Variants in BCR observed in about 807,000 individuals in gnomAD.
BCR encodes breakpoint cluster region protein.
Under a neutral mutation model 138.6 loss-of-function variants are expected in BCR, and 58 were observed. That is an observed-to-expected ratio of 0.42 (90% CI 0.34 to 0.52). The LOEUF is 0.52. Ranked by LOEUF, BCR falls within the 20% of genes least tolerant of loss-of-function variation. The probability of loss-of-function intolerance (pLI) is 0.06; values close to 1 mark genes in which losing one functional copy is unlikely to be tolerated. For missense variants in BCR, 1,599 were observed against 1,727.2 expected (o/e 0.93, Z 1.32); for synonymous variants, 786 against 730.1 (o/e 1.08, Z -1.23).
chr22:23,236,381 AT>A (rs1353975335), intron 1 of BCR, among the ~76,000 whole-genome samples: 3 of 152,166 alleles, frequency 2.0e-5, no homozygotes, highest in Admixed American at 6.5e-5. Context: ...TTGCTGACTT[AT>A]GAGACCTCTT....
At chr22:23,211,853 G>A (rs763411797) in intron 1 of BCR, among the ~76,000 whole-genome samples, 55 of 152,238 alleles carry the variant, frequency 3.6e-4, no homozygotes, top group Non-Finnish European at 4.9e-4. Context: ...AGGGGCTGGT[G>A]GAGCTGTTCT....
intron 1 of BCR, among the ~76,000 whole-genome samples, chr22:23,242,517 T>G (rs1264838259): frequency 6.6e-6 from 1 of 152,202 alleles, no homozygotes; most frequent in Non-Finnish European, 1.5e-5. Context: ...CTTCACTCTT[T>G]CCCAGCCTTT....
rs1426035583 is a variant in BCR at position 23,313,580 on chromosome 22, C to G, written c.3458-388C>G. ...TCTGCGTACTTGGTGGGGCTGGGAC[C>G]CTCCCACTTCCCACCTCCTTGTGTT... is the stretch of plus-strand genomic sequence containing the variant. On this transcript the variant is annotated intron_variant, in intron 20 of 22. Transcript: ENST00000305877. Among the ~76,000 whole-genome samples the G allele has an allele frequency of 4.6e-5, 7 of 152,276 alleles. No individual in the cohort carries two copies. The East Asian group carries it at 1.4e-3, about 29-fold the overall frequency.
At position 23,256,775 on chromosome 22, in the gene BCR, C is replaced by T. The variant is rs528258174; in HGVS notation, c.1461+2795C>T. Reference sequence around the variant, plus strand: ...AGTTCCAGCTCCCGCCCTCAGTTCACCCGTGGGCCTGGTAGCCAGCTGACA... The same window carrying T: ...AGTTCCAGCTCCCGCCCTCAGTTCATCCGTGGGCCTGGTAGCCAGCTGACA... On this transcript the variant is annotated intron_variant, in intron 2 of 22. Transcript: ENST00000305877. 4.6e-3 allele frequency among the ~76,000 whole-genome samples: 708 copies of T among 152,292 alleles called. 8 individuals carry two copies. Among genetic ancestry groups the T allele is most frequent in the Admixed American group, 7.5e-3 (115 of 15,304 alleles).
At chr22:23,253,752 T>A in intron 1 of BCR, 47 bp from the exon 2 acceptor site, 8 of 1,568,284 alleles carry the variant, frequency 5.1e-6, no homozygotes, top group Non-Finnish European at 7.0e-6. Context: ...TGAGTATGGA[T>A]GCTCCCTTCT....
In BCR at chr22:23,268,498, T is replaced by G; in HGVS notation, c.1843T>G (p.Phe615Val). 1 of 1,613,784 alleles carries G rather than the reference T, an allele frequency of 6.2e-7. No individual in the cohort carries two copies. The highest frequency in any genetic ancestry group is 1.1e-5 in the South Asian group (1 of 90,978). The change falls in exon 5 of 23, where the codon TTT becomes GTT. Residue 615 changes from phenylalanine (F) to valine (V), a missense_variant. Coordinates refer to ENST00000305877, the MANE Select transcript of BCR (RefSeq NM_004327.4). ...AEKCCQANAQ[F>V]AEISENLRAR... ...GAAGTGCTGTCAGGCCAATGCTCAG[T>G]TTGCAGAAATCTCCGAGGTAATGCC...
At chr22:23,291,356 CTG>C (rs565929222) in intron 14 of BCR, among the ~76,000 whole-genome samples, 214 of 152,026 alleles carry the variant, frequency 1.4e-3, no homozygotes, top group African/African-American at 5.0e-3. Context: ...CGTGAAAAGA[CTG>C]TGGTGCTGTT....
chr22:23,276,128 G>A (rs369993721), intron 8 of BCR, among the ~76,000 whole-genome samples: 30 of 152,214 alleles, frequency 2.0e-4, no homozygotes, highest in South Asian at 8.3e-4. Flanking sequence ...GGCTGGGCGC[G>A]GTGGCTCACA....
intron 1 of BCR, among the ~76,000 whole-genome samples, chr22:23,211,221 G>A (rs1490141325): frequency 2.0e-5 from 3 of 152,064 alleles, no homozygotes; most frequent in Admixed American, 6.5e-5. Flanking sequence ...TTGTTGAGAC[G>A]GAGTCTTGCT....
At chr22:23,190,603 C>T (rs965898194) in intron 1 of BCR, among the ~76,000 whole-genome samples, 6 of 152,158 alleles carry the variant, frequency 3.9e-5, no homozygotes, top group Non-Finnish European at 5.9e-5. Context: ...GGAGTTAGAA[C>T]GTCAACATAT....
Position 23,221,643 on chromosome 22 carries a change from G to T in BCR, c.1280-32156G>T, listed in dbSNP as rs2072825851. ...CTGCTGGCTCTGATTAGGTCTGGTA[G>T]GGGGCAGGGTCCTTATTTCTCAGGA... On this transcript the variant is annotated intron_variant, in intron 1 of 22. Coordinates refer to ENST00000305877, the MANE Select transcript of BCR (RefSeq NM_004327.4). Among the ~76,000 whole-genome samples the T allele has an allele frequency of 2.0e-5, 3 of 152,236 alleles. No homozygotes were observed. In the South Asian group the frequency reaches 6.2e-4, roughly 31 times the overall value.
At chr22:23,268,960 C>T (rs1237940607) in intron 5 of BCR, among the ~76,000 whole-genome samples, 3 of 152,214 alleles carry the variant, frequency 2.0e-5, no homozygotes, top group Non-Finnish European at 2.9e-5. Flanking sequence ...CGCCGTGGGG[C>T]GAGGGCTCAT....
chr22:23,305,004 C>G (rs1368616504), intron 16 of BCR, among the ~76,000 whole-genome samples: 3 of 151,998 alleles, frequency 2.0e-5, no homozygotes, highest in Admixed American at 2.0e-4. Context: ...AATCCCAGCT[C>G]CTCAGGGGCT....
rs961204704 is a variant in BCR at position 23,271,571 on chromosome 22, A to G, written c.1900A>G (p.Thr634Ala). ...ARSNKDAKDP[T>A]TKNSLETLLY... Reference sequence around the variant, plus strand: ...AAGCAACAAAGATGCCAAGGATCCAACGACCAAGAACTCTCTGGAAAGTGA... The same window carrying G: ...AAGCAACAAAGATGCCAAGGATCCAGCGACCAAGAACTCTCTGGAAAGTGA... Residue 634 changes from threonine to alanine, a missense_variant, in exon 6 of 23, where the codon ACG becomes GCG. Physicochemically the swap from Thr to Ala is moderately conservative, Grantham distance 58. This residue lies in a region of BCR where 590 missense variants were observed against 762.4 expected (regional missense o/e 0.77). Transcript: ENST00000305877. 2.5e-6 allele frequency: 4 copies of G among 1,614,096 alleles called. No individual in the cohort carries two copies. Among genetic ancestry groups the G allele is most frequent in the African/African-American group, 1.3e-5 (1 of 75,056 alleles).
At chr22:23,282,946 C>G (rs1220219184) in intron 8 of BCR, among the ~76,000 whole-genome samples, 1 of 152,198 alleles carries the variant, frequency 6.6e-6, no homozygotes, top group African/African-American at 2.4e-5. Context: ...CTGCCTGGGA[C>G]AGAGGGTGGA....
At chr22:23,298,981 G>A (rs2146315994) in intron 16 of BCR, among the ~76,000 whole-genome samples, 1 of 152,146 alleles carries the variant, frequency 6.6e-6, no homozygotes. Flanking sequence ...ACCCCCTGGG[G>A]CCTGCCCCTC....
rs1197800901 is a variant in BCR at position 23,206,056 on chromosome 22, C to G, written c.1279+23817C>G. 2.6e-5 allele frequency among the ~76,000 whole-genome samples: 4 copies of G among 152,292 alleles called. No individual in the cohort carries two copies. In the East Asian group the frequency reaches 7.7e-4, roughly 29 times the overall value. ...CCAAACCCCATGAGGATTCTTTCCT[C>G]AGAGAAGTTGCCGGAGGAGGAAAAG... is the stretch of plus-strand genomic sequence containing the variant. On this transcript the variant is annotated intron_variant, in intron 1 of 22. Coordinates refer to ENST00000305877, the MANE Select transcript of BCR (RefSeq NM_004327.4).
Position 23,313,446 on chromosome 22 carries a change from T to A in BCR, c.3457+425T>A, listed in dbSNP as rs566937418. Reference sequence around the variant, plus strand: ...TGGGTGCTGGTGTGTGCAGTACCTGTGGCCTCTGCATCACCCTTAGGGCAG... The same window carrying A: ...TGGGTGCTGGTGTGTGCAGTACCTGAGGCCTCTGCATCACCCTTAGGGCAG... On this transcript the variant is annotated intron_variant, in intron 20 of 22. Transcript: ENST00000305877. Among the ~76,000 whole-genome samples the A allele has an allele frequency of 1.2e-3, 177 of 152,350 alleles. 1 individual carries two copies. Among genetic ancestry groups the A allele is most frequent in the African/African-American group, 3.9e-3 (164 of 41,592 alleles).
At chr22:23,203,476 G>C (rs1433162579) in intron 1 of BCR, among the ~76,000 whole-genome samples, 1 of 152,194 alleles carries the variant, frequency 6.6e-6, no homozygotes, top group Non-Finnish European at 1.5e-5. Context: ...CAGAGAAGCA[G>C]AATCTGAGAT....
Sources: allele counts gnomAD v4.1 joint callset (sites outside exome capture counted in the v4.1 genomes callset), GRCh38; gene constraint gnomAD v4.1.1; regional missense constraint gnomAD v4.1.1; transcripts MANE v1.5; gene names NCBI Gene and HGNC (gene_info 2026-07-23, HGNC 2026-07-21).